Variants in BBOX1 observed in about 807,000 individuals in gnomAD.
The protein encoded by BBOX1 is gamma-butyrobetaine dioxygenase.
In BBOX1, 35 loss-of-function variants were observed where a neutral mutation model predicts 41.6. The observed-to-expected ratio is 0.84, with a 90% confidence interval of 0.64 to 1.11. The LOEUF (loss-of-function observed/expected upper bound fraction) is 1.11, where lower values mean the gene tolerates loss of function less well. Ranked by LOEUF, BBOX1 falls within the 50% of genes most tolerant of loss-of-function variation. BBOX1 has a pLI of 0.00. For synonymous variants in BBOX1, 163 were observed against 154.7 expected (o/e 1.05, Z -0.40); for missense variants, 458 against 460.6 (o/e 0.99, Z 0.05).
intron 2 of BBOX1, among the ~76,000 whole-genome samples, chr11:27,044,211 T>C (rs1851427230): frequency 6.6e-6 from 1 of 152,246 alleles, no homozygotes; most frequent in African/African-American, 2.4e-5. Flanking sequence ...TGAGCTTTTC[T>C]TCATATGTTT....
intron 5 of BBOX1, among the ~76,000 whole-genome samples, chr11:27,102,321 A>C (rs1212562011): frequency 6.6e-6 from 1 of 152,072 alleles, no homozygotes; most frequent in Non-Finnish European, 1.5e-5. Flanking sequence ...TCCTGTGGTA[A>C]AATATAATAC....
chr11:27,043,374 T>A (rs1851395911), intron 2 of BBOX1, among the ~76,000 whole-genome samples: 1 of 142,888 alleles, frequency 7.0e-6, no homozygotes, highest in East Asian at 1.9e-4. Flanking sequence ...TAATTTTTTT[T>A]AAGTTATACT....
chr11:27,109,283 C>T (rs1469392821), intron 5 of BBOX1, among the ~76,000 whole-genome samples: 6 of 152,062 alleles, frequency 3.9e-5, no homozygotes, highest in African/African-American at 1.4e-4. Flanking sequence ...TATGGGGCAT[C>T]TCCTGTGTGT....
intron 4 of BBOX1, among the ~76,000 whole-genome samples, chr11:27,086,887 G>A (rs1159430193): frequency 1.3e-5 from 2 of 152,070 alleles, no homozygotes; most frequent in Non-Finnish European, 2.9e-5. Flanking sequence ...AGCCCTCATG[G>A]ATGGCTTTGA....
At chr11:27,088,134 A>C (rs1196215184) in intron 4 of BBOX1, among the ~76,000 whole-genome samples, 1 of 152,024 alleles carries the variant, frequency 6.6e-6, no homozygotes, top group African/African-American at 2.4e-5. Context: ...TATAGAAACA[A>C]AAATTCATCG....
intron 4 of BBOX1, among the ~76,000 whole-genome samples, chr11:27,067,259 GT>G (rs1266184053): frequency 3.9e-5 from 6 of 151,958 alleles, no homozygotes; most frequent in Non-Finnish European, 8.8e-5. Context: ...TTTGGAGAGT[GT>G]TTTTTTATTA....
At chr11:27,067,902 G>T (rs1277499061) in intron 4 of BBOX1, among the ~76,000 whole-genome samples, 1 of 152,076 alleles carries the variant, frequency 6.6e-6, no homozygotes, top group Non-Finnish European at 1.5e-5. Context: ...TGCTGCAAAA[G>T]ACATTATTTT....
intron 3 of BBOX1, among the ~76,000 whole-genome samples, chr11:27,056,991 G>A (rs565863900): frequency 1.9e-4 from 28 of 145,842 alleles, no homozygotes; most frequent in African/African-American, 5.9e-4. Context: ...GCTGGAACCC[G>A]GGAGGCAGAG....
chr11:27,114,629 C>T (rs1288362049), intron 5 of BBOX1, among the ~76,000 whole-genome samples: 2 of 151,710 alleles, frequency 1.3e-5, no homozygotes, highest in African/African-American at 2.4e-5. Context: ...AACAAGCATG[C>T]CAATATCATT....
intron 4 of BBOX1, among the ~76,000 whole-genome samples, chr11:27,079,538 G>T (rs1857759294): frequency 6.6e-6 from 1 of 152,042 alleles, no homozygotes; most frequent in Non-Finnish European, 1.5e-5. Flanking sequence ...GAATATAAAG[G>T]AAAAATATCT....
rs1856949697 is a variant in BBOX1 at position 27,055,525 on chromosome 11, T to C, written c.95T>C (p.Val32Ala). The change falls in exon 3 of 9, where the codon GTA (valine) becomes GCA (alanine). Residue 32 changes from valine to alanine, a missense_variant. Physicochemically the swap from Val to Ala is moderately conservative, Grantham distance 64. Transcript: ENST00000263182. ...GAGGAAGAGTCTCTCTACCCAGCTGTATGGTTGAGAGACAACTGTCCGTGC... is the reference window on the plus strand; with the variant it reads ...GAGGAAGAGTCTCTCTACCCAGCTGCATGGTTGAGAGACAACTGTCCGTGC... ...YDEEESLYPAVWLRDNCPCSD... is the reference protein window; with the variant it reads ...YDEEESLYPAAWLRDNCPCSD... The C allele has an allele frequency of 3.1e-6, 5 of 1,613,914 alleles. 1 individual carries two copies. In the Middle Eastern group the frequency reaches 4.9e-4, roughly 159 times the overall value.
intron 2 of BBOX1, among the ~76,000 whole-genome samples, chr11:27,042,809 G>A (rs1851376329): frequency 1.3e-5 from 2 of 152,104 alleles, no homozygotes; most frequent in South Asian, 4.1e-4. Context: ...CTTGAGTAGA[G>A]TATGTATGTA....
At chr11:27,055,857 T>G (rs1590169617) in intron 3 of BBOX1, among the ~76,000 whole-genome samples, 1 of 152,182 alleles carries the variant, frequency 6.6e-6, no homozygotes, top group East Asian at 1.9e-4. Context: ...TACTACTATT[T>G]TTAATAAAAT....
intron 4 of BBOX1, among the ~76,000 whole-genome samples, chr11:27,067,342 C>T (rs978940245): frequency 2.0e-5 from 3 of 151,922 alleles, no homozygotes; most frequent in Admixed American, 6.6e-5. Context: ...TACGTTGTAA[C>T]GAATATGTCA....
At chr11:27,064,831 A>T (rs1590177773) in intron 4 of BBOX1, among the ~76,000 whole-genome samples, 1 of 151,486 alleles carries the variant, frequency 6.6e-6, no homozygotes, top group Non-Finnish European at 1.5e-5. Flanking sequence ...ATCATTTCTG[A>T]GTGGGGCCAC....
chr11:27,060,013 G>C (rs1360336185), intron 4 of BBOX1, among the ~76,000 whole-genome samples: 1 of 152,122 alleles, frequency 6.6e-6, no homozygotes, highest in Non-Finnish European at 1.5e-5. Flanking sequence ...TACTGGGAAG[G>C]CATGACTGTA....
intron 4 of BBOX1, among the ~76,000 whole-genome samples, chr11:27,082,427 A>C (rs1857880186): frequency 6.6e-6 from 1 of 152,162 alleles, no homozygotes; most frequent in Admixed American, 6.6e-5. Context: ...GGAGAGTCAC[A>C]AGGACAGAGA....
intron 4 of BBOX1, among the ~76,000 whole-genome samples, chr11:27,058,498 CAGA>C (rs1392770286): frequency 3.3e-5 from 5 of 152,078 alleles, no homozygotes; most frequent in Non-Finnish European, 7.4e-5. Flanking sequence ...TTGGAGAGCT[CAGA>C]AGAAGACAGG....
At chr11:27,095,508 G>A (rs867548518) in intron 5 of BBOX1, among the ~76,000 whole-genome samples, 1 of 151,920 alleles carries the variant, frequency 6.6e-6, no homozygotes, top group Non-Finnish European at 1.5e-5. Flanking sequence ...ACCATTCCAT[G>A]TCCCTTATGG....
Sources: gnomAD v4.1 joint callset for allele counts (sites outside exome capture counted in the v4.1 genomes callset) on GRCh38, gnomAD v4.1.1 for gene constraint, MANE v1.5 for transcripts, NCBI Gene and HGNC (gene_info 2026-07-23, HGNC 2026-07-21) for gene names.